The following USP34 variants were observed in gnomAD, a reference collection of about 807,000 sequenced individuals.
USP34 encodes the protein ubiquitin specific peptidase 34.
USP34 carries 70 observed loss-of-function variants against 460.3 expected under a neutral mutation model. That is an observed-to-expected ratio of 0.15 (90% confidence interval 0.13 to 0.19). The LOEUF (loss-of-function observed/expected upper bound fraction) is 0.19. Ranked by LOEUF, USP34 falls within the 10% of genes least tolerant of loss-of-function variation. The pLI is 1.00. For missense variants in USP34, 3,985 were observed against 4,236.2 expected, an observed-to-expected ratio of 0.94 and a Z score of 1.65; for synonymous variants, 1,647 against 1,405.3, an observed-to-expected ratio of 1.17 and a Z score of -3.85.
chr2:61,388,737 C>T (rs1447060767), intron 5 of USP34, among the ~76,000 whole-genome samples: 6 of 149,926 alleles, frequency 4.0e-5, no homozygotes, highest in Non-Finnish European at 5.9e-5. Context: ...GCCTGGGCGA[C>T]AGAGCAAGAC....
rs145403755 is a variant in USP34, at chr2:61,201,961, G to A, written c.9508+1179C>T. Among the ~76,000 whole-genome samples the A allele has an allele frequency of 3.8e-3, 584 of 152,230 alleles. 3 individuals are homozygous for A. Among genetic ancestry groups the A allele is most frequent in the Non-Finnish European group, 6.5e-3 (445 of 68,020 alleles). The stretch of plus-strand genomic sequence containing the variant: ...CCTTTTACCAAGTACCATGACCCAG[G>A]TGCATAATCCTGAAACGGCCAATCT... On this transcript the variant is annotated intron_variant, in intron 75 of 79. Transcript: ENST00000398571.
Position 61,275,094 on chromosome 2 carries a change from T to C in USP34, c.5433+3071A>G, listed in dbSNP as rs138270269. On this transcript the variant is annotated intron_variant, in intron 41 of 79. Coordinates refer to ENST00000398571, the MANE Select transcript of USP34 (RefSeq NM_014709.4). ...GAGTTTGAGACCATCCAGGGCAACA[T>C]GGCGAAATCCCGTCTCTACAAAAGA... Among the ~76,000 whole-genome samples the C allele has an allele frequency of 3.5e-3, 534 of 152,034 alleles. 2 individuals carry two copies. Among genetic ancestry groups the C allele is most frequent in the African/African-American group, 0.011 (441 of 41,454 alleles).
intron 27 of USP34, among the ~76,000 whole-genome samples, chr2:61,309,082 A>G (rs1001491890): frequency 2.0e-5 from 3 of 152,212 alleles, no homozygotes; most frequent in Non-Finnish European, 2.9e-5. Flanking sequence ...ACTGCATGTA[A>G]AAAGTATCGG....
intron 23 of USP34, among the ~76,000 whole-genome samples, chr2:61,316,022 A>C (rs1238052081): frequency 1.3e-5 from 2 of 150,194 alleles, no homozygotes; most frequent in East Asian, 4.0e-4. Flanking sequence ...CAACACGGTG[A>C]AACCCTGTCT....
rs537933664 is a variant in USP34 at position 61,334,138 on chromosome 2, T to C, written c.2745-167A>G. On this transcript the variant is annotated intron_variant, in intron 18 of 79. Coordinates refer to ENST00000398571, the MANE Select transcript of USP34 (RefSeq NM_014709.4). ...AGAAGTATAAATTCATTTTACATAT[T>C]AGGGCAAGAACTGCAAGTTTAAAAA... 3.1e-3 allele frequency among the ~76,000 whole-genome samples: 471 copies of C among 152,248 alleles called. 3 individuals are homozygous for C. Among genetic ancestry groups the C allele is most frequent in the African/African-American group, 0.011 (447 of 41,586 alleles).
At chr2:61,211,492 C>A (rs185435524) in intron 69 of USP34, among the ~76,000 whole-genome samples, 1 of 152,118 alleles carries the variant, frequency 6.6e-6, no homozygotes, top group Non-Finnish European at 1.5e-5. Flanking sequence ...AACTATCAAG[C>A]CTGAGTTAGG....
intron 2 of USP34, among the ~76,000 whole-genome samples, chr2:61,406,358 C>T (rs901656096): frequency 2.6e-5 from 4 of 151,924 alleles, no homozygotes; most frequent in South Asian, 2.1e-4. Flanking sequence ...TTCAGTTTTA[C>T]GTATGGATTT....
rs557907593 is a variant in USP34 at position 61,442,934 on chromosome 2, C to G, written c.44-22101G>C. 1.6e-4 allele frequency among the ~76,000 whole-genome samples: 23 copies of G among 146,584 alleles called. No individual in the cohort carries two copies. The South Asian group carries it at 2.5e-3, about 16-fold the overall frequency. ...ACACACACACACACACACACACACA[C>G]AGAGGAATATTATACATCCATTAAA... On this transcript the variant is annotated intron_variant, in intron 1 of 79. Transcript: ENST00000398571.
chr2:61,260,035 T>TA (rs1396314071), intron 43 of USP34, among the ~76,000 whole-genome samples: 1 of 152,212 alleles, frequency 6.6e-6, no homozygotes, highest in Non-Finnish European at 1.5e-5. Flanking sequence ...GGTTAACACT[T>TA]ATTTGGTACA....
chr2:61,308,306 T>C (rs1271352761), intron 27 of USP34, among the ~76,000 whole-genome samples: 1 of 152,144 alleles, frequency 6.6e-6, no homozygotes, highest in Non-Finnish European at 1.5e-5. Context: ...CAAAAAGATT[T>C]CAACTTTAAA....
chr2:61,372,919 A>G (rs1209276520), intron 8 of USP34, among the ~76,000 whole-genome samples: 5 of 152,184 alleles, frequency 3.3e-5, no homozygotes, highest in Non-Finnish European at 5.9e-5. Context: ...GAAGTAGAAC[A>G]AACTCCAGGA....
At position 61,206,754 on chromosome 2, in the gene USP34, G is replaced by A; in HGVS notation, c.9046+6C>T. The A allele has an allele frequency of 6.2e-7, 1 of 1,612,670 alleles. No individual in the cohort carries two copies. Among genetic ancestry groups the A allele is most frequent in the Non-Finnish European group, 8.5e-7 (1 of 1,179,420 alleles). ...AACAAAACATAAGAAGTAGGAATGA[G>A]CAAACCTTTTCTCTGAAGATAAGGG... On this transcript the variant is annotated splice_donor_region_variant and intron_variant, in intron 71 of 79. Transcript: ENST00000398571.
rs185615729 is a variant in USP34 at position 61,337,916 on chromosome 2, A to T, written c.2744+1435T>A. 1.8e-4 allele frequency among the ~76,000 whole-genome samples: 28 copies of T among 152,366 alleles called. No individual in the cohort carries two copies. The East Asian group carries it at 5.0e-3, about 27-fold the overall frequency. On this transcript the variant is annotated intron_variant, in intron 18 of 79. Coordinates refer to ENST00000398571, the MANE Select transcript of USP34 (RefSeq NM_014709.4). The stretch of plus-strand genomic sequence containing the variant: ...ACAAATTATTGAACCACTTATTAAA[A>T]TTTGTGTTTTCACAAAGACTTTTAA...
chr2:61,274,322 G>A (rs574994990), intron 41 of USP34, among the ~76,000 whole-genome samples: 86 of 151,912 alleles, frequency 5.7e-4, no homozygotes, highest in Admixed American at 1.1e-3. Flanking sequence ...CCTGGGAGGT[G>A]GAGGTTGAGG....
intron 1 of USP34, among the ~76,000 whole-genome samples, chr2:61,431,107 G>A (rs935207116): frequency 1.3e-5 from 2 of 152,336 alleles, no homozygotes; most frequent in South Asian, 4.1e-4. Context: ...GAGGAATGTA[G>A]GGAGAGATTG....
chr2:61,278,504 A>T, intron 39 of USP34, 61 bp from the exon 40 acceptor site: 1 of 1,274,552 alleles, frequency 7.8e-7, no homozygotes, highest in Non-Finnish European at 1.1e-6. Context: ...CCAAACATAA[A>T]ATTATTAAAA....
At chr2:61,203,853 T>A (rs986690784) in intron 74 of USP34, among the ~76,000 whole-genome samples, 1 of 151,580 alleles carries the variant, frequency 6.6e-6, no homozygotes, top group African/African-American at 2.4e-5. Flanking sequence ...ATGACAAATC[T>A]ATCAATCAAT....
intron 48 of USP34, among the ~76,000 whole-genome samples, chr2:61,253,789 C>CAGGG (rs1459388020): frequency 6.6e-6 from 1 of 150,798 alleles, no homozygotes; most frequent in East Asian, 1.9e-4. Flanking sequence ...GGCTGGAGTG[C>CAGGG]AGGGGCATGG....
intron 1 of USP34, among the ~76,000 whole-genome samples, chr2:61,456,952 G>A (rs1695458697): frequency 6.6e-6 from 1 of 152,030 alleles, no homozygotes; most frequent in Admixed American, 6.6e-5. Flanking sequence ...CTGTACTCCA[G>A]CCTGGGCAAC....
Sources: allele counts gnomAD v4.1 joint callset (sites outside exome capture counted in the v4.1 genomes callset), GRCh38; gene constraint gnomAD v4.1.1; transcripts MANE v1.5; gene names NCBI Gene and HGNC (gene_info 2026-07-23, HGNC 2026-07-21).